Variants in TBC1D10B observed in about 807,000 individuals in gnomAD.
TBC1D10B encodes Rab27A-GAPbeta.
Under a neutral mutation model 78.4 loss-of-function variants are expected in TBC1D10B, and 25 were observed. That is an observed-to-expected ratio of 0.32 (90% CI 0.23 to 0.45). The LOEUF (loss-of-function observed/expected upper bound fraction) is 0.45. TBC1D10B is among the 20% of genes least tolerant of loss of function. TBC1D10B has a pLI of 1.00. For missense variants in TBC1D10B, 996 were observed against 1,104.8 expected, an observed-to-expected ratio of 0.90 and a Z score of 1.40; for synonymous variants, 517 against 478.0, an observed-to-expected ratio of 1.08 and a Z score of -1.06.
intron 1 of TBC1D10B, among the ~76,000 whole-genome samples, chr16:30,368,702 A>C (rs976476875): frequency 2.6e-5 from 4 of 152,136 alleles, no homozygotes; most frequent in African/African-American, 9.7e-5. Flanking sequence ...CTGACTGCAC[A>C]GTCTCCCTTC....
intron 4 of TBC1D10B, among the ~76,000 whole-genome samples, chr16:30,361,114 G>A (rs999135408): frequency 2.0e-5 from 3 of 152,072 alleles, no homozygotes; most frequent in African/African-American, 7.2e-5. Flanking sequence ...GCAAAACCCC[G>A]TCTCTACCAA....
rs988407506 is a variant in TBC1D10B, at chr16:30,359,333, A to C, written c.1481T>G (p.Phe494Cys). The C allele has an allele frequency of 6.3e-7, 1 of 1,582,804 alleles. No homozygotes were observed. ...GGAGGCCCGGCGCAGGAGTGCAAAAAAGATCTCCCCGTCCAGCTGAATGGC... is the reference window on the plus strand; with the variant it reads ...GGAGGCCCGGCGCAGGAGTGCAAAACAGATCTCCCCGTCCAGCTGAATGGC... ...LEAIQLDGEI[F>C]FALLRRASPL... Residue 494 changes from phenylalanine to cysteine, a missense_variant, in exon 7 of 9, where the codon TTT becomes TGT. This residue lies in a region of TBC1D10B where 168 missense variants were observed against 238.7 expected (regional missense o/e 0.70). Coordinates refer to ENST00000409939, the MANE Select transcript of TBC1D10B (RefSeq NM_015527.4).
chr16:30,359,002 G>A (rs2049580738), intron 7 of TBC1D10B, 170 bp downstream of exon 7: 13 of 1,207,396 alleles, frequency 1.1e-5, no homozygotes, highest in Admixed American at 2.8e-5. Flanking sequence ...CAGGCTCTGG[G>A]TTGGTGGCAG....
chr16:30,368,963 GA>G (rs2049659953), intron 1 of TBC1D10B, among the ~76,000 whole-genome samples: 1 of 152,194 alleles, frequency 6.6e-6, no homozygotes, highest in Admixed American at 6.5e-5. Flanking sequence ...CGGAAATGGG[GA>G]AGCCACTAGC....
Position 30,359,236 on chromosome 16 carries a change from G to A in TBC1D10B, c.1578C>T (p.Cys526=), listed in dbSNP as rs1410943059. ...CCCAGGGCAGGGTGCGGGCGAAGAT[G>A]CACATGAACCACTCCGTCATGTAGA... ...PVLYMTEWFM[C]IFARTLPWAS... is the part of the protein sequence containing the mutation. The change falls in exon 7 of 9, where the codon TGC becomes TGT. Residue 526 remains cysteine, a synonymous_variant. Coordinates refer to ENST00000409939, the MANE Select transcript of TBC1D10B (RefSeq NM_015527.4). 6.2e-7 allele frequency: 1 copy of A among 1,613,058 alleles called. No homozygotes were observed.
At chr16:30,361,647 C>T (rs1402943001) in intron 4 of TBC1D10B, among the ~76,000 whole-genome samples, 2 of 151,884 alleles carry the variant, frequency 1.3e-5, no homozygotes, top group Admixed American at 6.6e-5. Flanking sequence ...TCAGGTGATC[C>T]GCCTGCCTCA....
chr16:30,368,586 C>T (rs1323356262), intron 1 of TBC1D10B, among the ~76,000 whole-genome samples: 3 of 152,114 alleles, frequency 2.0e-5, no homozygotes, highest in Non-Finnish European at 4.4e-5. Context: ...CCGGAGAGAA[C>T]TAGGAAAGAG....
rs1257645721 is a variant in TBC1D10B, at chr16:30,359,158, G to A, written c.1642+14C>T. 2 of 1,602,454 alleles carry A rather than the reference G, an allele frequency of 1.2e-6. No individual in the cohort carries two copies. Among genetic ancestry groups the A allele is most frequent in the Non-Finnish European group, 1.7e-6 (2 of 1,174,874 alleles). ...AACCCCAGCCCCTCATGGCCTGGAGGGCCACAGAAGTACCTTCACAGAAAA... is the reference window on the plus strand; with the variant it reads ...AACCCCAGCCCCTCATGGCCTGGAGAGCCACAGAAGTACCTTCACAGAAAA... On this transcript the variant is annotated intron_variant, in intron 7 of 8. Transcript: ENST00000409939.
At chr16:30,362,925 TA>T (rs1477579031) in intron 4 of TBC1D10B, among the ~76,000 whole-genome samples, 1 of 152,176 alleles carries the variant, frequency 6.6e-6, no homozygotes, top group African/African-American at 2.4e-5. Context: ...TAATTCCAGC[TA>T]CTCAGGAGGC....
At position 30,369,483 on chromosome 16, in the gene TBC1D10B, G is replaced by A. The variant is rs947965774; in HGVS notation, c.701C>T (p.Thr234Ile). 6.4e-7 allele frequency: 1 copy of A among 1,551,264 alleles called. No individual in the cohort carries two copies. Among genetic ancestry groups the A allele is most frequent in the African/African-American group, 1.4e-5 (1 of 73,058 alleles). The part of the protein sequence containing the change: ...CEAPVAVVTV[T>I]PAPEPAENSQ... ...GTTTTCAGCAGGCTCCGGAGCTGGGGTCACGGTCACGACAGCTACCGGAGC... is the reference window on the plus strand; with the variant it reads ...GTTTTCAGCAGGCTCCGGAGCTGGGATCACGGTCACGACAGCTACCGGAGC... The change falls in exon 1 of 9, where the codon ACC (threonine) becomes ATC (isoleucine). Residue 234 changes from threonine to isoleucine, a missense_variant. Coordinates refer to ENST00000409939, the MANE Select transcript of TBC1D10B (RefSeq NM_015527.4). The surrounding 1 kb of genome is among the most constrained non-coding windows in gnomAD (Gnocchi z 4.3).
At chr16:30,366,826 T>C (rs963475758) in intron 1 of TBC1D10B, 1 of 152,176 alleles carries the variant, frequency 6.6e-6, no homozygotes, top group African/African-American at 2.4e-5. Flanking sequence ...CAAATTTCAG[T>C]TCTGTCTCTG....
At chr16:30,363,029 T>G (rs1182590937) in intron 4 of TBC1D10B, among the ~76,000 whole-genome samples, 1 of 152,158 alleles carries the variant, frequency 6.6e-6, no homozygotes, top group Non-Finnish European at 1.5e-5. Flanking sequence ...AGAGCGAGAC[T>G]CCGTCTCAAA....
At chr16:30,362,985 C>T (rs1036322173) in intron 4 of TBC1D10B, among the ~76,000 whole-genome samples, 3 of 152,120 alleles carry the variant, frequency 2.0e-5, no homozygotes, top group Admixed American at 6.5e-5. Context: ...TGCAGTGACC[C>T]GAGGTGGCGC....
intron 4 of TBC1D10B, among the ~76,000 whole-genome samples, chr16:30,363,512 TAAG>T (rs2049612755): frequency 1.3e-5 from 2 of 152,116 alleles, no homozygotes; most frequent in African/African-American, 4.8e-5. Flanking sequence ...TCCCAGCACT[TAAG>T]GAGGCTAAGG....
At position 30,369,197 on chromosome 16, in the gene TBC1D10B, G is replaced by A; in HGVS notation, c.956+31C>T. On this transcript the variant is annotated intron_variant, in intron 1 of 8. Transcript: ENST00000409939. This position sits in a 1 kb window ranked among gnomAD's most constrained non-coding sequence, Gnocchi z 4.3. Reference sequence around the variant, plus strand: ...CTCCCCCAACCTTTGCTTCCCCGAGGCGGTCCCGCTGGGTGCCCACTGGTA... The same window carrying A: ...CTCCCCCAACCTTTGCTTCCCCGAGACGGTCCCGCTGGGTGCCCACTGGTA... 6.5e-7 allele frequency: 1 copy of A among 1,530,954 alleles called. No homozygotes were observed. Among genetic ancestry groups the A allele is most frequent in the Non-Finnish European group, 8.8e-7 (1 of 1,139,034 alleles). 94.8% of individuals were successfully genotyped at this position (1,530,954 alleles called of 1,614,324 possible). A position where few individuals can be genotyped will look rare whatever the true frequency, so the allele number is the denominator to read the frequency against.
chr16:30,361,511 ACT>A (rs1212478331), intron 4 of TBC1D10B, among the ~76,000 whole-genome samples: 1 of 147,618 alleles, frequency 6.8e-6, no homozygotes, highest in Non-Finnish European at 1.5e-5. Context: ...CTCACGGCAA[ACT>A]CTGTCTCCCA....
rs2049668122 is a variant in TBC1D10B at position 30,369,606 on chromosome 16, G to A, written c.578C>T (p.Thr193Ile). Residue 193 changes from threonine to isoleucine, a missense_variant, in exon 1 of 9, where the codon ACA (threonine) becomes ATA (isoleucine). Transcript: ENST00000409939. This position sits in a 1 kb window ranked among gnomAD's most constrained non-coding sequence, Gnocchi z 4.3. ...TGCTGCGGCAGCTCCATGCCCACCT[G>A]TCACTTGTCCTGATGCACTCCGTGC... ...VTARSASGQV[T>I]GGHGAAAATS... 2 of 1,527,012 alleles carry A rather than the reference G, an allele frequency of 1.3e-6. No homozygotes were observed. Among genetic ancestry groups the A allele is most frequent in the African/African-American group, 1.4e-5 (1 of 72,070 alleles). 94.6% of individuals were successfully genotyped at this position (1,527,012 alleles called of 1,614,324 possible).
intron 4 of TBC1D10B, among the ~76,000 whole-genome samples, chr16:30,362,630 C>T (rs745435144): frequency 6.6e-6 from 1 of 152,186 alleles, no homozygotes; most frequent in Non-Finnish European, 1.5e-5. Context: ...TATAAGTTGA[C>T]GACTCTTAAT....
chr16:30,366,344 T>C (rs1169843719), intron 1 of TBC1D10B: 3 of 151,582 alleles, frequency 2.0e-5, no homozygotes, highest in African/African-American at 7.3e-5. Flanking sequence ...GTCTCTACTA[T>C]AAATACAAAA....
Sources: gnomAD v4.1 joint callset for allele counts (sites outside exome capture counted in the v4.1 genomes callset) on GRCh38, gnomAD v4.1.1 for gene constraint, gnomAD v4.1.1 regional missense constraint, Gnocchi (gnomAD v3.1) non-coding constraint, MANE v1.5 for transcripts, NCBI Gene and HGNC (gene_info 2026-07-23, HGNC 2026-07-21) for gene names.